The following DIPK1A variants were observed in gnomAD, a reference collection of about 807,000 sequenced individuals.
DIPK1A encodes the protein family with sequence similarity 69 member A.
A neutral mutation model predicts 40.8 loss-of-function variants in DIPK1A; 27 were observed. The ratio of observed to expected loss-of-function variants is 0.66; its 90% confidence interval spans 0.49 to 0.91. The LOEUF (loss-of-function observed/expected upper bound fraction) is 0.91, where lower values mean the gene tolerates loss of function less well. Among genes scored for constraint, DIPK1A ranks in the 40% least tolerant of loss-of-function variants. The pLI is 0.00. For missense variants in DIPK1A, 412 were observed against 505.7 expected (o/e 0.81, Z 1.78); for synonymous variants, 166 against 171.3 (o/e 0.97, Z 0.24).
At chr1:92,907,923 G>A (rs765178674) in intron 1 of DIPK1A, among the ~76,000 whole-genome samples, 1 of 152,130 alleles carries the variant, frequency 6.6e-6, no homozygotes, top group Non-Finnish European at 1.5e-5. Context: ...CTGGAGTTCA[G>A]TGGCATGATC....
At chr1:92,919,712 A>G (rs1650199889) in intron 1 of DIPK1A, among the ~76,000 whole-genome samples, 1 of 152,220 alleles carries the variant, frequency 6.6e-6, no homozygotes. Flanking sequence ...GACAAGGATG[A>G]ATGAGAAGGA....
intron 3 of DIPK1A, 135 bp from the exon 4 acceptor site, chr1:92,847,494 T>G: frequency 2.1e-6 from 1 of 482,628 alleles, no homozygotes; most frequent in Non-Finnish European, 3.4e-6. Context: ...AGGTGTGACT[T>G]TATTTCTGAA....
intron 1 of DIPK1A, among the ~76,000 whole-genome samples, chr1:92,893,856 G>C (rs903507475): frequency 3.3e-5 from 5 of 151,792 alleles, no homozygotes; most frequent in African/African-American, 1.2e-4. Flanking sequence ...TGCAATCCTA[G>C]TCTCTGATAA....
At chr1:92,870,113 C>CAA (rs1557462082) in intron 2 of DIPK1A, among the ~76,000 whole-genome samples, 1 of 149,418 alleles carries the variant, frequency 6.7e-6, no homozygotes, top group African/African-American at 2.5e-5. Flanking sequence ...CACACACACA[C>CAA]ATATCTGTTG....
intron 1 of DIPK1A, among the ~76,000 whole-genome samples, chr1:92,934,306 T>C (rs1650869522): frequency 6.6e-6 from 1 of 152,214 alleles, no homozygotes; most frequent in South Asian, 2.1e-4. Flanking sequence ...ACTGAGATCT[T>C]TATAAATGAA....
chr1:92,837,162 T>A, downstream of DIPK1A: 1 of 513,736 alleles, frequency 1.9e-6, no homozygotes, highest in Non-Finnish European at 3.6e-6. Flanking sequence ...GAGTATAAGT[T>A]TTGAAACTCC....
intron 1 of DIPK1A, among the ~76,000 whole-genome samples, chr1:92,940,695 T>A (rs1651119107): frequency 1.3e-5 from 2 of 152,256 alleles, no homozygotes; most frequent in South Asian, 4.1e-4. Flanking sequence ...CTACAATTTT[T>A]CACCATAAGT....
At chr1:92,911,890 G>C (rs1571117157) in intron 1 of DIPK1A, among the ~76,000 whole-genome samples, 1 of 149,960 alleles carries the variant, frequency 6.7e-6, no homozygotes. Context: ...TGTAATCCCA[G>C]CTACTTGGGA....
chr1:92,840,981 C>T, downstream of DIPK1A: 2 of 412,882 alleles, frequency 4.8e-6, no homozygotes, highest in Non-Finnish European at 9.4e-6. Flanking sequence ...TGTGATGGCC[C>T]ACAAATACAA....
At chr1:92,832,906 T>C (rs1457473798) in exon 5 of DIPK1A, 2 of 673,724 alleles carry the variant, frequency 3.0e-6, no homozygotes, top group Non-Finnish European at 5.4e-6. Context: ...GAGAGGTACG[T>C]AGTTGTTATT....
chr1:92,919,334 T>C (rs1650184041), intron 1 of DIPK1A, among the ~76,000 whole-genome samples: 1 of 152,188 alleles, frequency 6.6e-6, no homozygotes. Flanking sequence ...CCTAGCTTCA[T>C]CTCTCACCAC....
chr1:92,952,418 G>A (rs1431218790), intron 1 of DIPK1A, among the ~76,000 whole-genome samples: 2 of 152,190 alleles, frequency 1.3e-5, no homozygotes, highest in South Asian at 2.1e-4. Flanking sequence ...CCAGGAGTTC[G>A]AGACCAGCCT....
chr1:92,862,057 G>A (rs1356719324), intron 2 of DIPK1A, among the ~76,000 whole-genome samples: 1 of 152,070 alleles, frequency 6.6e-6, no homozygotes, highest in African/African-American at 2.4e-5. Context: ...TGTTCTTTAT[G>A]GAATTCTCTT....
chr1:92,930,241 TTC>T lies in DIPK1A; in HGVS notation c.54+31133_54+31134del, dbSNP rs527534573. Among the ~76,000 whole-genome samples the T allele has an allele frequency of 1.1e-3, 175 of 152,286 alleles. 2 individuals are homozygous for T. Among genetic ancestry groups the T allele is most frequent in the African/African-American group, 4.1e-3 (169 of 41,562 alleles). On this transcript the variant is annotated intron_variant, in intron 1 of 4. Transcript: ENST00000370310. ...TTTTAAACACACAGGTCAATTGCAA[TTC>T]TCTGACTCTCAGAAGCCTAAAGTCT...
At chr1:92,921,808 C>A (rs1306223418) in intron 1 of DIPK1A, among the ~76,000 whole-genome samples, 2 of 152,218 alleles carry the variant, frequency 1.3e-5, no homozygotes, top group African/African-American at 4.8e-5. Flanking sequence ...ACCAGGAGTT[C>A]TATCCTCAGC....
intron 4 of DIPK1A, chr1:92,835,198 C>T (rs1190608160): frequency 8.2e-6 from 4 of 485,864 alleles, no homozygotes; most frequent in Non-Finnish European, 1.5e-5. Flanking sequence ...CCACTTGTAG[C>T]TAGTGTCTAC....
chr1:92,955,149 G>A (rs973608849), intron 1 of DIPK1A, among the ~76,000 whole-genome samples: 5 of 152,110 alleles, frequency 3.3e-5, no homozygotes, highest in Admixed American at 6.5e-5. Context: ...CAAAACTATG[G>A]AGACAATAAA....
intron 1 of DIPK1A, chr1:92,932,967 A>G (rs1047116293): frequency 6.6e-6 from 1 of 152,230 alleles, no homozygotes; most frequent in South Asian, 2.1e-4. Context: ...AGGTTTGTCA[A>G]TTGTAACATA....
chr1:92,846,813 A>ATATATGTGTGTG (rs1553123757), intron 4 of DIPK1A, among the ~76,000 whole-genome samples: 6 of 3,650 alleles, frequency 1.6e-3, no homozygotes, highest in African/African-American at 7.7e-3. Context: ...ATATATATAT[A>ATATATGTGTGTG]TATATATATA....
Sources: allele counts gnomAD v4.1 joint callset (sites outside exome capture counted in the v4.1 genomes callset), GRCh38; gene constraint gnomAD v4.1.1; transcripts MANE v1.5; gene names NCBI Gene and HGNC (gene_info 2026-07-23, HGNC 2026-07-21).